The following LRRTM3 variants were observed in gnomAD, a reference collection of about 807,000 sequenced individuals.
LRRTM3 encodes the protein leucine rich repeat transmembrane neuronal 3.
Under a neutral mutation model 44.7 loss-of-function variants are expected in LRRTM3, and 24 were observed. The observed-to-expected ratio is 0.54, with a 90% CI of 0.39 to 0.76. The LOEUF is 0.76. Ranked by LOEUF, LRRTM3 falls within the 30% of genes least tolerant of loss-of-function variation. LRRTM3 has a pLI of 0.00. For synonymous variants in LRRTM3, 277 were observed against 278.7 expected, an observed-to-expected ratio of 0.99 and a Z score of 0.06; for missense variants, 587 against 702.2, an observed-to-expected ratio of 0.84 and a Z score of 1.85.
chr10:66,996,366 CT>C (rs1351677340), intron 2 of LRRTM3, among the ~76,000 whole-genome samples: 1 of 152,074 alleles, frequency 6.6e-6, no homozygotes, highest in Admixed American at 6.6e-5. Flanking sequence ...CATGTTTGGG[CT>C]GGGTGCAATG....
chr10:66,936,564 A>G (rs180776417), intron 2 of LRRTM3, among the ~76,000 whole-genome samples: 12 of 152,152 alleles, frequency 7.9e-5, no homozygotes, highest in Admixed American at 7.2e-4. Context: ...GTTTTTCTAG[A>G]ATTCCCAATC....
At chr10:67,085,925 T>C (rs1857285121) in intron 2 of LRRTM3, among the ~76,000 whole-genome samples, 1 of 151,836 alleles carries the variant, frequency 6.6e-6, no homozygotes, top group Admixed American at 6.6e-5. Flanking sequence ...ACGTTATCTA[T>C]ATAAAGCCTC....
Position 66,932,213 on chromosome 10 carries a change from C to T in LRRTM3, c.1536+3761C>T, listed in dbSNP as rs142485896. On this transcript the variant is annotated intron_variant, in intron 2 of 2. Transcript: ENST00000361320. ...TCATGGATAATGAAATTATGCTCTC[C>T]TTCTGGGGAAGGATAATGCAGAGTC... Among the ~76,000 whole-genome samples, 329 of 152,292 alleles carry T rather than the reference C, an allele frequency of 2.2e-3. 1 individual carries two copies. Among genetic ancestry groups the T allele is most frequent in the Non-Finnish European group, 4.1e-3 (279 of 68,014 alleles).
At chr10:66,935,011 G>A (rs76855151) in intron 2 of LRRTM3, among the ~76,000 whole-genome samples, 2 of 152,066 alleles carry the variant, frequency 1.3e-5, no homozygotes, top group Non-Finnish European at 1.5e-5. Flanking sequence ...ATGCTACCTT[G>A]AGTGGTGTTC....
At chr10:66,958,568 A>G (rs924337900) in intron 2 of LRRTM3, among the ~76,000 whole-genome samples, 1 of 152,178 alleles carries the variant, frequency 6.6e-6, no homozygotes, top group Non-Finnish European at 1.5e-5. Context: ...AAAGAATTCA[A>G]TAAGTAAGTA....
chr10:67,045,625 C>A (rs1008462118), intron 2 of LRRTM3, among the ~76,000 whole-genome samples: 66 of 152,324 alleles, frequency 4.3e-4, no homozygotes, highest in African/African-American at 1.5e-3. Context: ...TGCGGCCAGA[C>A]CCCGTTTCCC....
Position 66,939,454 on chromosome 10 carries a change from T to C in LRRTM3, c.1536+11002T>C, listed in dbSNP as rs185408260. On this transcript the variant is annotated intron_variant, in intron 2 of 2. Transcript: ENST00000361320. ...TCTCTCATGAAAGCAATAATTAAAATGACACCATCTAATAATTTAATGTAA... is the reference window on the plus strand; with the variant it reads ...TCTCTCATGAAAGCAATAATTAAAACGACACCATCTAATAATTTAATGTAA... Among the ~76,000 whole-genome samples the C allele has an allele frequency of 8.5e-5, 13 of 152,316 alleles. 1 individual carries two copies. In the East Asian group the frequency reaches 2.3e-3, roughly 27 times the overall value.
intron 2 of LRRTM3, among the ~76,000 whole-genome samples, chr10:66,968,604 A>T (rs1414130873): frequency 6.6e-6 from 1 of 152,126 alleles, no homozygotes; most frequent in Non-Finnish European, 1.5e-5. Flanking sequence ...AACAGCACCT[A>T]ACAGAGAAAA....
Position 66,998,030 on chromosome 10 carries a change from T to A in LRRTM3, c.1536+69578T>A, listed in dbSNP as rs182691162. 3.3e-4 allele frequency among the ~76,000 whole-genome samples: 51 copies of A among 152,326 alleles called. 1 individual carries two copies. The East Asian group carries it at 5.8e-3, about 17-fold the overall frequency. On this transcript the variant is annotated intron_variant, in intron 2 of 2. Coordinates refer to ENST00000361320, the MANE Select transcript of LRRTM3 (RefSeq NM_178011.5). ...TGGCCTCCCTGCCCACCAGGCTCAG[T>A]TTCATCCCCTCATTTCTCCCCCATT... is the stretch of plus-strand genomic sequence containing the variant.
intron 2 of LRRTM3, among the ~76,000 whole-genome samples, chr10:67,018,311 C>G (rs116466889): frequency 6.6e-6 from 1 of 152,078 alleles, no homozygotes; most frequent in Admixed American, 6.5e-5. Context: ...TCGCTTTCAC[C>G]CATTTCTGAT....
At chr10:67,031,951 C>T (rs918113270) in intron 2 of LRRTM3, among the ~76,000 whole-genome samples, 1 of 152,136 alleles carries the variant, frequency 6.6e-6, no homozygotes, top group Non-Finnish European at 1.5e-5. Context: ...TTAGCAATTA[C>T]TTTTTAATCT....
Position 66,928,211 on chromosome 10 carries a change from T to C in LRRTM3, c.1295T>C (p.Leu432Pro). ...AGCGTGGCGCTTTTCCTGTCCGTGC[T>C]CGTCATCCTGCTGGTTATCTACGTG... Reference protein sequence around the residue: ...AGSVALFLSVLVILLVIYVSW... With the variant: ...AGSVALFLSVPVILLVIYVSW... The change falls in exon 2 of 3, where the codon CTC becomes CCC. Residue 432 changes from leucine (L) to proline (P), a missense_variant. Physicochemically the swap from Leu to Pro is moderately conservative, Grantham distance 98 (BLOSUM62 -3). Coordinates refer to ENST00000361320, the MANE Select transcript of LRRTM3 (RefSeq NM_178011.5). 1.2e-6 allele frequency: 2 copies of C among 1,614,142 alleles called. No individual in the cohort carries two copies. Among genetic ancestry groups the C allele is most frequent in the Non-Finnish European group, 1.7e-6 (2 of 1,180,046 alleles).
chr10:66,950,343 G>A (rs950663811), intron 2 of LRRTM3, among the ~76,000 whole-genome samples: 5 of 151,480 alleles, frequency 3.3e-5, no homozygotes, highest in Non-Finnish European at 5.9e-5. Context: ...AAATTTTACA[G>A]GGAGGAAAAA....
At chr10:67,013,602 A>G (rs1365068927) in intron 2 of LRRTM3, among the ~76,000 whole-genome samples, 2 of 152,188 alleles carry the variant, frequency 1.3e-5, no homozygotes, top group African/African-American at 2.4e-5. Flanking sequence ...GATGGCTATG[A>G]GTACAGATTA....
intron 2 of LRRTM3, among the ~76,000 whole-genome samples, chr10:67,005,691 T>TTTTTGTTTGTTTG: frequency 8.2e-6 from 1 of 121,552 alleles, no homozygotes; most frequent in African/African-American, 2.8e-5. Context: ...TCTTTTTTTT[T>TTTTTGTTTGTTTG]TTTTTTTTTT....
chr10:67,052,064 A>G (rs1269343307), intron 2 of LRRTM3, among the ~76,000 whole-genome samples: 2 of 152,060 alleles, frequency 1.3e-5, no homozygotes, highest in Non-Finnish European at 2.9e-5. Context: ...CTAACCTACA[A>G]ATTTTTAAAT....
At chr10:66,988,134 T>G (rs1400661394) in intron 2 of LRRTM3, among the ~76,000 whole-genome samples, 5 of 152,128 alleles carry the variant, frequency 3.3e-5, no homozygotes, top group Non-Finnish European at 7.4e-5. Flanking sequence ...AAGCTCAAAT[T>G]TCCAATTCCT....
intron 2 of LRRTM3, among the ~76,000 whole-genome samples, chr10:67,059,456 G>A (rs1423038225): frequency 6.6e-6 from 1 of 152,152 alleles, no homozygotes; most frequent in Non-Finnish European, 1.5e-5. Flanking sequence ...GATTGTAAGA[G>A]ACACTCGATG....
intron 2 of LRRTM3, among the ~76,000 whole-genome samples, chr10:66,995,152 C>A (rs967083393): frequency 2.0e-5 from 3 of 152,124 alleles, no homozygotes; most frequent in Non-Finnish European, 4.4e-5. Context: ...ATGCACATTC[C>A]ATAATCTCAA....
Sources: allele counts gnomAD v4.1 joint callset (sites outside exome capture counted in the v4.1 genomes callset), GRCh38; gene constraint gnomAD v4.1.1; transcripts MANE v1.5; gene names NCBI Gene and HGNC (gene_info 2026-07-23, HGNC 2026-07-21).